Variants in BTG4 observed in about 807,000 individuals in gnomAD.
The protein encoded by BTG4 is BTG anti-proliferation factor 4.
A neutral mutation model predicts 19.3 loss-of-function variants in BTG4; 10 were observed. The observed-to-expected ratio is 0.52, with a 90% CI of 0.32 to 0.88. The LOEUF (loss-of-function observed/expected upper bound fraction) is 0.88. Among genes scored for constraint, BTG4 ranks in the 40% least tolerant of loss-of-function variants. The probability of loss-of-function intolerance (pLI) is 0.04; values close to 1 mark genes in which losing one functional copy is unlikely to be tolerated. For synonymous variants in BTG4, 91 were observed against 95.7 expected (o/e 0.95, Z 0.29); for missense variants, 238 against 281.9 (o/e 0.84, Z 1.11).
chr11:111,508,732 C>A (rs1386036323), intron 1 of BTG4, among the ~76,000 whole-genome samples: 1 of 149,992 alleles, frequency 6.7e-6, no homozygotes, highest in African/African-American at 2.4e-5. Context: ...TTTCATATAA[C>A]CATCTTGATA....
In BTG4 at chr11:111,498,721, T is replaced by C. The variant is rs767794533; in HGVS notation, c.56A>G (p.His19Arg). The change falls in exon 2 of 5, where the codon CAT becomes CGT. Residue 19 changes from histidine to arginine, a missense_variant. Physicochemically the swap from His to Arg is conservative, Grantham distance 29. Coordinates refer to ENST00000692032, the MANE Select transcript of BTG4 (RefSeq NM_001367975.1). ...VFFVTRLVKKHDKLSKQQIED... is the reference protein window; with the variant it reads ...VFFVTRLVKKRDKLSKQQIED... ...TATTTGCTGTTTACTTAGTTTATCA[T>C]GTTTTTTCACCAATCTTGTGACAAA... The C allele has an allele frequency of 1.1e-5, 18 of 1,613,336 alleles. No homozygotes were observed. The highest frequency in any genetic ancestry group is 1.4e-5 in the Non-Finnish European group (17 of 1,179,766).
intron 5 of BTG4, among the ~76,000 whole-genome samples, chr11:111,482,241 G>GAA (rs1864783232): frequency 6.6e-6 from 1 of 151,944 alleles, no homozygotes; most frequent in Non-Finnish European, 1.5e-5. Flanking sequence ...ATCAAAAAAT[G>GAA]AAATTCTTAG....
the BTG4 span, among the ~76,000 whole-genome samples, chr11:111,448,241 G>A: frequency 2.8e-3 from 422 of 152,294 alleles, no homozygotes; most frequent in Admixed American, 4.4e-3. Context: ...GGAGCTGGGG[G>A]TATAGTTGAG....
chr11:111,398,846 G>A, the BTG4 span, among the ~76,000 whole-genome samples: 1 of 151,736 alleles, frequency 6.6e-6, no homozygotes, highest in Non-Finnish European at 1.5e-5. Context: ...TTTCATAAAC[G>A]TATCATAAGT....
Position 111,481,919 on chromosome 11 carries a change from G to A in BTG4, c.662+13244C>T, listed in dbSNP as rs560739550. On this transcript the variant is annotated intron_variant, in intron 5 of 5. Coordinates refer to the BTG4 transcript ENST00000356018. The stretch of plus-strand genomic sequence containing the variant: ...TCTCCCAAAAAAAGGAACAAGTCAA[G>A]GATATCTGTTCTTAGCACTCCTATT... Among the ~76,000 whole-genome samples, 4 of 151,818 alleles carry A rather than the reference G, an allele frequency of 2.6e-5. No homozygotes were observed. The East Asian group carries it at 7.7e-4, about 29-fold the overall frequency.
the BTG4 span, among the ~76,000 whole-genome samples, chr11:111,436,062 T>A: frequency 4.6e-5 from 7 of 152,364 alleles, no homozygotes; most frequent in East Asian, 5.8e-4. Flanking sequence ...AAAGATATTA[T>A]TTCCATTCTC....
the BTG4 span, among the ~76,000 whole-genome samples, chr11:111,427,327 G>A: frequency 1.3e-5 from 2 of 152,152 alleles, no homozygotes; most frequent in Non-Finnish European, 2.9e-5. Context: ...CCCTTTGGTA[G>A]AGGCCTAGAG....
chr11:111,490,669 C>T (rs1394632069), downstream of BTG4, among the ~76,000 whole-genome samples: 1 of 152,150 alleles, frequency 6.6e-6, no homozygotes, highest in African/African-American at 2.4e-5. Context: ...AGATGTTCAA[C>T]ATCACTAGCC....
the BTG4 span, among the ~76,000 whole-genome samples, chr11:111,392,195 T>TTTTTTTTG: frequency 7.0e-6 from 1 of 143,576 alleles, no homozygotes. Context: ...TTTTTTTTTT[T>TTTTTTTTG]GAGACGGAGT....
At chr11:111,432,929 C>T in the BTG4 span, among the ~76,000 whole-genome samples, 760 of 152,020 alleles carry the variant, frequency 5.0e-3, 4 homozygotes, top group African/African-American at 0.017. Flanking sequence ...TGAGCTCAAG[C>T]AATCCTTCCA....
chr11:111,386,628 G>A, the BTG4 span, among the ~76,000 whole-genome samples: 11 of 152,250 alleles, frequency 7.2e-5, no homozygotes, highest in Admixed American at 2.6e-4. Context: ...AGTTCATAGC[G>A]TTCATGAGAG....
chr11:111,408,312 G>C, the BTG4 span, among the ~76,000 whole-genome samples: 128 of 152,300 alleles, frequency 8.4e-4, no homozygotes, highest in Admixed American at 1.6e-3. Context: ...ACTACAACCT[G>C]CTTAGAGCCC....
chr11:111,470,160 A>G (rs559777845), intron 5 of BTG4, among the ~76,000 whole-genome samples: 134 of 152,310 alleles, frequency 8.8e-4, no homozygotes, highest in African/African-American at 3.1e-3. Flanking sequence ...CAGTGATGCC[A>G]TTACAGCTGA....
At chr11:111,497,506 G>A in intron 3 of BTG4, 97 bp from the exon 4 acceptor site, 1 of 784,850 alleles carries the variant, frequency 1.3e-6, no homozygotes, top group Non-Finnish European at 1.8e-6. Flanking sequence ...TATTTTAAAA[G>A]AAATTGCCTT....
chr11:111,485,797 A>G (rs1027033043), intron 5 of BTG4, among the ~76,000 whole-genome samples: 1 of 152,184 alleles, frequency 6.6e-6, no homozygotes, highest in African/African-American at 2.4e-5. Flanking sequence ...GAACAAAATG[A>G]AAAGTTGGTT....
At chr11:111,429,384 AC>A in the BTG4 span, among the ~76,000 whole-genome samples, 13 of 152,208 alleles carry the variant, frequency 8.5e-5, no homozygotes, top group Non-Finnish European at 1.8e-4. Flanking sequence ...AGGAAATGGA[AC>A]AAGGGAGGTT....
chr11:111,436,359 G>C, the BTG4 span, among the ~76,000 whole-genome samples: 2 of 152,198 alleles, frequency 1.3e-5, no homozygotes, highest in Admixed American at 1.3e-4. Flanking sequence ...GCTCACGCCT[G>C]TAATCCCAGC....
At chr11:111,494,713 C>T (rs982319236), downstream of BTG4, 2 of 229,566 alleles carry the variant, frequency 8.7e-6, no homozygotes, top group Non-Finnish European at 1.4e-5. Context: ...ATTGCTTGAG[C>T]TCAGGAGTTT....
Position 111,487,958 on chromosome 11 carries a change from G to A in BTG4, c.662+7205C>T, listed in dbSNP as rs763091821. On this transcript the variant is annotated intron_variant, in intron 5 of 5. Coordinates refer to the BTG4 transcript ENST00000356018. The stretch of plus-strand genomic sequence containing the variant: ...AAATATTAATGAAAGAAATTGAAGA[G>A]CACACAAAAAATGGAGACGTTCCAT... 3.3e-5 allele frequency among the ~76,000 whole-genome samples: 5 copies of A among 152,038 alleles called. No homozygotes were observed. In the East Asian group the frequency reaches 7.7e-4, roughly 23 times the overall value.
Sources: gnomAD v4.1 joint callset for allele counts (sites outside exome capture counted in the v4.1 genomes callset) on GRCh38, gnomAD v4.1.1 for gene constraint, MANE v1.5 for transcripts, NCBI Gene and HGNC (gene_info 2026-07-23, HGNC 2026-07-21) for gene names.